The following KCNH1 variants were observed in gnomAD, a reference collection of about 807,000 sequenced individuals.
KCNH1 encodes voltage-gated delayed rectifier potassium channel KCNH1.
Under a neutral mutation model 69.2 loss-of-function variants are expected in KCNH1, and 27 were observed. That is an observed-to-expected ratio of 0.39 (90% CI 0.29 to 0.54). KCNH1 has a LOEUF of 0.54. KCNH1 is among the 20% of genes least tolerant of loss of function. The pLI is 0.68. For missense variants in KCNH1, 798 were observed against 1,261.6 expected (o/e 0.63, Z 5.57); for synonymous variants, 456 against 487.7 (o/e 0.93, Z 0.86).
intron 6 of KCNH1, among the ~76,000 whole-genome samples, chr1:210,927,554 A>C (rs898929295): frequency 1.3e-5 from 2 of 152,220 alleles, no homozygotes; most frequent in Admixed American, 6.5e-5. Flanking sequence ...AAGAACTGCT[A>C]AAAGGACCTC....
chr1:211,010,281 A>G (rs970672928), intron 6 of KCNH1, among the ~76,000 whole-genome samples: 1 of 152,102 alleles, frequency 6.6e-6, no homozygotes, highest in African/African-American at 2.4e-5. Flanking sequence ...CAGTAGGTTC[A>G]AGGAATGGGA....
At chr1:211,076,995 G>T (rs777242120) in intron 5 of KCNH1, among the ~76,000 whole-genome samples, 2 of 152,124 alleles carry the variant, frequency 1.3e-5, no homozygotes, top group Non-Finnish European at 2.9e-5. Context: ...CGATCAAGTG[G>T]AAGAAAGGGT....
At chr1:210,824,074 T>G (rs1286275696) in intron 7 of KCNH1, among the ~76,000 whole-genome samples, 1 of 152,142 alleles carries the variant, frequency 6.6e-6, no homozygotes, top group Admixed American at 6.5e-5. Flanking sequence ...GTGTTGAGAC[T>G]ATACACATGA....
intron 6 of KCNH1, among the ~76,000 whole-genome samples, chr1:210,997,569 C>A (rs998395185): frequency 6.6e-6 from 1 of 152,158 alleles, no homozygotes; most frequent in Non-Finnish European, 1.5e-5. Flanking sequence ...GAGAATGGAA[C>A]CAAGTTGGAA....
At position 210,697,244 on chromosome 1, in the gene KCNH1, A is replaced by T. The variant is rs144795100; in HGVS notation, c.2113-13106T>A. 2.6e-5 allele frequency among the ~76,000 whole-genome samples: 4 copies of T among 152,284 alleles called. No homozygotes were observed. The East Asian group carries it at 7.7e-4, about 29-fold the overall frequency. ...ATCAGAGCCCTGGAGAGAGCTGAGC[A>T]CCTGAGGGCTAAGAGGGTCTTCCTG... On this transcript the variant is annotated intron_variant, in intron 10 of 10. Transcript: ENST00000271751.
At chr1:210,918,218 T>G (rs1056750230) in intron 7 of KCNH1, among the ~76,000 whole-genome samples, 4 of 152,222 alleles carry the variant, frequency 2.6e-5, no homozygotes, top group African/African-American at 9.6e-5. Context: ...TCTGGTCAGT[T>G]GGACAAAGCA....
intron 10 of KCNH1, among the ~76,000 whole-genome samples, chr1:210,741,129 G>A (rs17016821): frequency 0.35 from 53,520 of 151,908 alleles, 9,825 homozygotes; most frequent in African/African-American, 0.43. Context: ...AGGATCCTTC[G>A]AATGACTGGA....
intron 1 of KCNH1, among the ~76,000 whole-genome samples, chr1:211,117,844 G>A (rs1053410286): frequency 5.3e-5 from 8 of 152,134 alleles, no homozygotes; most frequent in African/African-American, 1.9e-4. Flanking sequence ...GTAATCAGAT[G>A]TATAACAAAG....
intron 7 of KCNH1, among the ~76,000 whole-genome samples, chr1:210,893,273 C>A (rs1457568251): frequency 6.6e-6 from 1 of 152,062 alleles, no homozygotes; most frequent in Non-Finnish European, 1.5e-5. Flanking sequence ...AAGATTTTTG[C>A]TGGGTATAGA....
intron 7 of KCNH1, among the ~76,000 whole-genome samples, chr1:210,917,538 T>A (rs1260608827): frequency 6.6e-6 from 1 of 152,222 alleles, no homozygotes; most frequent in Non-Finnish European, 1.5e-5. Flanking sequence ...TATGCCACCA[T>A]AACTATTTTC....
At chr1:210,859,811 C>A in intron 7 of KCNH1, 1 of 1,046,028 alleles carries the variant, frequency 9.6e-7, no homozygotes, top group South Asian at 1.3e-5. Flanking sequence ...AAGAAACAGT[C>A]AACATCATTA....
chr1:211,123,434 C>A (rs568153627), intron 1 of KCNH1, among the ~76,000 whole-genome samples: 1 of 152,092 alleles, frequency 6.6e-6, no homozygotes, highest in African/African-American at 2.4e-5. Context: ...ATCTATGAGG[C>A]CATTTGAAGG....
At chr1:211,067,498 C>T (rs1189356379) in intron 5 of KCNH1, among the ~76,000 whole-genome samples, 2 of 152,140 alleles carry the variant, frequency 1.3e-5, no homozygotes, top group Admixed American at 6.5e-5. Context: ...GTGGATCTGC[C>T]CTGTGGCCTG....
At chr1:211,000,933 A>G (rs12060095) in intron 6 of KCNH1, among the ~76,000 whole-genome samples, 2,332 of 152,204 alleles carry the variant, frequency 0.015, 39 homozygotes, top group African/African-American at 0.052. Flanking sequence ...TATTTAATCA[A>G]TGGTGCTGGG....
chr1:210,783,199 C>T (rs187892510), intron 9 of KCNH1, among the ~76,000 whole-genome samples: 7 of 152,316 alleles, frequency 4.6e-5, no homozygotes, highest in Non-Finnish European at 8.8e-5. Context: ...GTGACTGCCT[C>T]GTGGTCTCCA....
chr1:210,951,066 T>C (rs1183357298), intron 6 of KCNH1, among the ~76,000 whole-genome samples: 1 of 152,152 alleles, frequency 6.6e-6, no homozygotes, highest in Non-Finnish European at 1.5e-5. Flanking sequence ...TAATTAAAAG[T>C]CGGAGAGAAG....
chr1:210,945,910 C>A (rs1291557756), intron 6 of KCNH1, among the ~76,000 whole-genome samples: 1 of 152,188 alleles, frequency 6.6e-6, no homozygotes, highest in African/African-American at 2.4e-5. Flanking sequence ...TTCTCCAGAG[C>A]ATCTATCACC....
At chr1:210,709,851 A>T (rs1448011593) in intron 10 of KCNH1, among the ~76,000 whole-genome samples, 1 of 152,180 alleles carries the variant, frequency 6.6e-6, no homozygotes, top group Non-Finnish European at 1.5e-5. Context: ...GGGAGATACT[A>T]TTCGTCTGTA....
Position 210,845,759 on chromosome 1 carries a change from T to G in KCNH1, c.1463-41593A>C, listed in dbSNP as rs578094007. Among the ~76,000 whole-genome samples, 264 of 152,136 alleles carry G rather than the reference T, an allele frequency of 1.7e-3. 3 individuals are homozygous for G. Among genetic ancestry groups the G allele is most frequent in the African/African-American group, 5.9e-3 (247 of 41,538 alleles). The stretch of plus-strand genomic sequence containing the variant: ...TCAGGCAGGAGAAGGAAATAAAGGG[T>G]ATTCAATTAGGAAAAGAGGAAGTCA... On this transcript the variant is annotated intron_variant, in intron 7 of 10. Transcript: ENST00000271751.
Sources: allele counts gnomAD v4.1 joint callset (sites outside exome capture counted in the v4.1 genomes callset), GRCh38; gene constraint gnomAD v4.1.1; transcripts MANE v1.5; gene names NCBI Gene and HGNC (gene_info 2026-07-23, HGNC 2026-07-21).